OR56A4: variants seen among roughly 807,000 people sequenced by gnomAD.
The protein encoded by OR56A4 is olfactory receptor family 56 subfamily A member 4, also known as olfactory receptor 56A4.
A neutral mutation model predicts 13.6 loss-of-function variants in OR56A4; 9 were observed. The observed-to-expected ratio is 0.66, with a 90% confidence interval of 0.40 to 1.15. OR56A4 has a LOEUF of 1.15. OR56A4 is among the 50% of genes most tolerant of loss of function. The pLI is 0.01. For synonymous variants in OR56A4, 167 were observed against 153.9 expected (o/e 1.08, Z -0.63); for missense variants, 380 against 375.9 (o/e 1.01, Z -0.09).
chr11:6,003,007 T>C lies in OR56A4; in HGVS notation c.-15A>G, dbSNP rs1848229685. The C allele has an allele frequency of 1.2e-6, 2 of 1,614,118 alleles. No individual in the cohort carries two copies. Among genetic ancestry groups the C allele is most frequent in the Non-Finnish European group, 1.7e-6 (2 of 1,180,008 alleles). On this transcript the variant is annotated 5_prime_UTR_variant, in exon 3 of 3. Transcript: ENST00000641156. ...GGAGATGCCATGTAAAGTTTCCTGA[T>C]CAATCTGGAGACCCAGTGTACCTTA...
intron 2 of OR56A4, among the ~76,000 whole-genome samples, chr11:6,005,760 G>T (rs1477189522): frequency 6.6e-6 from 1 of 152,180 alleles, no homozygotes; most frequent in Admixed American, 6.5e-5. Flanking sequence ...GGTGAAAGGG[G>T]CTAGCTAGCT....
chr11:6,002,378 T>C lies in OR56A4; in HGVS notation c.615A>G (p.Ala205=), dbSNP rs746940108. The change falls in exon 3 of 3, where the codon GCA becomes GCG. Residue 205 remains alanine, a synonymous_variant. Coordinates refer to ENST00000641156, the MANE Select transcript of OR56A4 (RefSeq NM_001005179.4). Reference sequence around the variant, plus strand: ...GATCAGAGCCCAACAGAGTCCAGCCTGCCACAAACTGGTAGAGCTGATTGA... The same window carrying C: ...GATCAGAGCCCAACAGAGTCCAGCCCGCCACAAACTGGTAGAGCTGATTGA... The part of the protein sequence containing the change: ...ITFNQLYQFV[A]GWTLLGSDLI... The C allele has an allele frequency of 1.2e-6, 2 of 1,614,178 alleles. No individual in the cohort carries two copies. The highest frequency in any genetic ancestry group is 1.7e-5 in the Admixed American group (1 of 60,032).
rs1348040811 is a variant in OR56A4, at chr11:6,002,534, G to A, written c.459C>T (p.Ala153=). Residue 153 remains alanine (A), a synonymous_variant, in exon 3 of 3, where the codon GCC becomes GCT. Transcript: ENST00000641156. ...FVARAVVFVI[A]RNAFVSLPVP... is the part of the protein sequence containing the mutation. ...CAGGAAGAGAAACAAAGGCATTCCG[G>A]GCTATAACAAAGACCACGGCCCTAG... The A allele has an allele frequency of 6.2e-7, 1 of 1,614,166 alleles. No individual in the cohort carries two copies. Among genetic ancestry groups the A allele is most frequent in the Non-Finnish European group, 8.5e-7 (1 of 1,180,022 alleles).
intron 2 of OR56A4, among the ~76,000 whole-genome samples, chr11:6,005,907 C>T (rs574597813): frequency 2.6e-5 from 4 of 152,208 alleles, no homozygotes; most frequent in South Asian, 4.1e-4. Context: ...ATGAATTTTC[C>T]GAGGACACAA....
rs1378105384 is a variant in OR56A4 at position 6,000,504 on chromosome 11, C to A, written c.*1547G>T. ...GGGAGGGATAGCATTAGGAGATATA[C>A]CTAATGTTAAATGACGAGTTAATGG... is the stretch of plus-strand genomic sequence containing the variant. On this transcript the variant is annotated 3_prime_UTR_variant, in exon 3 of 3. Coordinates refer to ENST00000641156, the MANE Select transcript of OR56A4 (RefSeq NM_001005179.4). 2.0e-5 allele frequency: 3 copies of A among 152,094 alleles called. No homozygotes were observed. The highest frequency in any genetic ancestry group is 6.6e-5 in the Admixed American group (1 of 15,258). 9.4% of individuals were successfully genotyped at this position (152,094 alleles called of 1,614,324 possible). A position where few individuals can be genotyped will look rare whatever the true frequency, so the allele number is the denominator to read the frequency against.
rs773791496 is a variant in OR56A4, at chr11:6,002,807, C to T, written c.186G>A (p.Leu62=). 1.8e-5 allele frequency: 29 copies of T among 1,613,528 alleles called. No individual in the cohort carries two copies. The East Asian group carries it at 5.8e-4, about 32-fold the overall frequency. ...GGGAGAGGAGGCTGAGCAGGTAGTA[C>T]AGGGGCTGGTGCAGAGAGGCCTCCA... ...IQLEASLHQP[L]YYLLSLLSLL... Residue 62 remains leucine, a synonymous_variant, in exon 3 of 3, where the codon CTG becomes CTA. Coordinates refer to ENST00000641156, the MANE Select transcript of OR56A4 (RefSeq NM_001005179.4).
intron 2 of OR56A4, among the ~76,000 whole-genome samples, chr11:6,005,908 G>A (rs541839650): frequency 5.3e-5 from 8 of 152,274 alleles, no homozygotes; most frequent in Non-Finnish European, 1.0e-4. Context: ...TGAATTTTCC[G>A]AGGACACAAA....
At chr11:6,005,926 A>C (rs1848255156) in intron 2 of OR56A4, among the ~76,000 whole-genome samples, 1 of 152,222 alleles carries the variant, frequency 6.6e-6, no homozygotes, top group Non-Finnish European at 1.5e-5. Flanking sequence ...AAACACTGAG[A>C]CCATAGCAGA....
Position 6,002,514 on chromosome 11 carries a change from A to T in OR56A4, c.479T>A (p.Leu160His), listed in dbSNP as rs373579084. ...FVIARNAFVS[L>H]PVPMLSARLR... is the part of the protein sequence containing the mutation. The stretch of plus-strand genomic sequence containing the variant: ...CCTGGCAGAAAGCATGGGAACAGGA[A>T]GAGAAACAAAGGCATTCCGGGCTAT... Residue 160 changes from leucine (L) to histidine (H), a missense_variant, in exon 3 of 3, where the codon CTT (leucine) becomes CAT (histidine). By Grantham distance (99) the Leu-to-His change is moderately conservative. Coordinates refer to ENST00000641156, the MANE Select transcript of OR56A4 (RefSeq NM_001005179.4). 6.3e-5 allele frequency: 102 copies of T among 1,614,134 alleles called. No individual in the cohort carries two copies. The highest frequency in any genetic ancestry group is 8.3e-5 in the Non-Finnish European group (98 of 1,180,050).
At position 6,003,018 on chromosome 11, in the gene OR56A4, A is replaced by G. The variant is rs2133574060; in HGVS notation, c.-26T>C. The G allele has an allele frequency of 3.1e-6, 5 of 1,614,152 alleles. No individual in the cohort carries two copies. Among genetic ancestry groups the G allele is most frequent in the Non-Finnish European group, 2.5e-6 (3 of 1,180,000 alleles). On this transcript the variant is annotated 5_prime_UTR_variant, in exon 3 of 3. Coordinates refer to ENST00000641156, the MANE Select transcript of OR56A4 (RefSeq NM_001005179.4). ...GTAAAGTTTCCTGATCAATCTGGAG[A>G]CCCAGTGTACCTTAAAACGTAGTAG...
rs374333872 is a variant in OR56A4, at chr11:6,002,008, T to G, written c.*43A>C. On this transcript the variant is annotated 3_prime_UTR_variant, in exon 3 of 3. Transcript: ENST00000641156. ...TAATTCCCTATTTCCCAATTTTCAC[T>G]AACAATTAACAACTCTAAAGGTGGA... 2.7e-6 allele frequency: 4 copies of G among 1,482,860 alleles called. No homozygotes were observed. The African/African-American group carries it at 5.6e-5, about 21-fold the overall frequency. 91.9% of individuals were successfully genotyped at this position (1,482,860 alleles called of 1,614,324 possible). A position where few individuals can be genotyped will look rare whatever the true frequency, so the allele number is the denominator to read the frequency against.
At position 6,002,876 on chromosome 11, in the gene OR56A4, G is replaced by A. The variant is rs980038400; in HGVS notation, c.117C>T (p.Leu39=). 46 of 1,614,026 alleles carry A rather than the reference G, an allele frequency of 2.9e-5. No homozygotes were observed. Among genetic ancestry groups the A allele is most frequent in the Non-Finnish European group, 3.5e-5 (41 of 1,180,000 alleles). The change falls in exon 3 of 3, where the codon CTC becomes CTT. Residue 39 remains leucine, a synonymous_variant. Transcript: ENST00000641156. ...GGGTGGTGTTAGCTCCCATGGCCAG[G>A]AGGAAGAGAAGGCTGAGGGGCAGAG... The part of the protein sequence containing the change: ...WLSLPLSLLF[L]LAMGANTTLL...
intron 2 of OR56A4, among the ~76,000 whole-genome samples, chr11:6,006,001 A>G (rs1848255751): frequency 6.6e-6 from 1 of 152,190 alleles, no homozygotes; most frequent in Non-Finnish European, 1.5e-5. Context: ...GTTCAAAGGA[A>G]AAGTGATTAA....
intron 2 of OR56A4, among the ~76,000 whole-genome samples, chr11:6,003,661 C>T (rs1350716113): frequency 6.6e-6 from 1 of 152,160 alleles, no homozygotes; most frequent in African/African-American, 2.4e-5. Context: ...ATGGAGAGAA[C>T]ATGCAAACAC....
In OR56A4 at chr11:6,002,011, C is replaced by A; in HGVS notation, c.*40G>T. 1.3e-6 allele frequency: 2 copies of A among 1,489,636 alleles called. No individual in the cohort carries two copies. Among genetic ancestry groups the A allele is most frequent in the Non-Finnish European group, 1.8e-6 (2 of 1,119,408 alleles). The allele number at this position is 1,489,636 out of a possible 1,614,324, so 92.3% of individuals were successfully genotyped here. A position where few individuals can be genotyped will look rare whatever the true frequency, so the allele number is the denominator to read the frequency against. ...TTCCCTATTTCCCAATTTTCACTAA[C>A]AATTAACAACTCTAAAGGTGGATCT... On this transcript the variant is annotated 3_prime_UTR_variant, in exon 3 of 3. Transcript: ENST00000641156.
chr11:6,003,064 A>C, intron 2 of OR56A4, 36 bp from the exon 3 acceptor site: 1 of 1,613,580 alleles, frequency 6.2e-7, no homozygotes, highest in East Asian at 2.2e-5. Flanking sequence ...AAACATAAAA[A>C]GTACATTCTA....
In OR56A4 at chr11:6,001,815, G is replaced by A. The variant is rs554737490; in HGVS notation, c.*236C>T. 19 of 445,342 alleles carry A rather than the reference G, an allele frequency of 4.3e-5. No individual in the cohort carries two copies. Among genetic ancestry groups the A allele is most frequent in the Non-Finnish European group, 7.0e-5 (18 of 256,804 alleles). The allele number at this position is 445,342 out of a possible 1,614,324, so 27.6% of individuals were successfully genotyped here. ...AGATTCTTTGTTGCAGATTAGATCA[G>A]GAAAAATTCCAAAGTAACCATAGAA... On this transcript the variant is annotated 3_prime_UTR_variant, in exon 3 of 3. Transcript: ENST00000641156.
rs1394503876 is a variant in OR56A4 at position 6,000,383 on chromosome 11, T to A, written c.*1668A>T. 1.3e-5 allele frequency: 2 copies of A among 152,106 alleles called. No homozygotes were observed. Among genetic ancestry groups the A allele is most frequent in the Non-Finnish European group, 2.9e-5 (2 of 68,048 alleles). 9.4% of individuals were successfully genotyped at this position (152,106 alleles called of 1,614,324 possible). A position where few individuals can be genotyped will look rare whatever the true frequency, so the allele number is the denominator to read the frequency against. The stretch of plus-strand genomic sequence containing the variant: ...CAAGGACAAAAAACCAAACACCGCA[T>A]TTTCTCACTCATAGGTGGGAGTTGA... On this transcript the variant is annotated 3_prime_UTR_variant, in exon 3 of 3. Coordinates refer to ENST00000641156, the MANE Select transcript of OR56A4 (RefSeq NM_001005179.4).
rs747895571 is a variant in OR56A4 at position 6,002,987 on chromosome 11, T to G, written c.6A>C (p.Ala2=). The change falls in exon 3 of 3, where the codon GCA becomes GCC. Residue 2 remains alanine (A), a synonymous_variant. Transcript: ENST00000641156. ...GGGCAGTGGAGTCATTGCTGGGAGA[T>G]GCCATGTAAAGTTTCCTGATCAATC... M[A]SPSNDSTAPV... The G allele has an allele frequency of 1.2e-6, 2 of 1,613,990 alleles. No individual in the cohort carries two copies. The highest frequency in any genetic ancestry group is 2.7e-5 in the African/African-American group (2 of 74,912).
Sources: allele counts gnomAD v4.1 joint callset (sites outside exome capture counted in the v4.1 genomes callset), GRCh38; gene constraint gnomAD v4.1.1; transcripts MANE v1.5; gene names NCBI Gene and HGNC (gene_info 2026-07-23, HGNC 2026-07-21).